The following DIP2A variants were observed in gnomAD, a reference collection of about 807,000 sequenced individuals.
The protein encoded by DIP2A is disco-interacting protein 2 homolog A.
In DIP2A, 85 loss-of-function variants were observed where a neutral mutation model predicts 177.4. The ratio of observed to expected loss-of-function variants is 0.48; its 90% confidence interval spans 0.40 to 0.57. The LOEUF is 0.57. Among genes scored for constraint, DIP2A ranks in the 20% least tolerant of loss-of-function variants. The probability of loss-of-function intolerance (pLI) is 0.00; values close to 1 mark genes in which losing one functional copy is unlikely to be tolerated. For missense variants in DIP2A, 1,791 were observed against 2,100.2 expected (o/e 0.85, Z 2.88); for synonymous variants, 886 against 881.8 (o/e 1.00, Z -0.08).
chr21:46,557,164 G>T lies in DIP2A; in HGVS notation c.3629+95G>T. The T allele has an allele frequency of 2.1e-6, 3 of 1,398,792 alleles. No individual in the cohort carries two copies. The highest frequency in any genetic ancestry group is 2.9e-6 in the Non-Finnish European group (3 of 1,046,386). 86.6% of individuals were successfully genotyped at this position (1,398,792 alleles called of 1,614,324 possible). On this transcript the variant is annotated intron_variant, in intron 30 of 37. Transcript: ENST00000417564. The surrounding 1 kb of genome is among the most constrained non-coding windows in gnomAD (Gnocchi z 6.0). ...TAAGGCACCTTTTCTGGGTGCTCAG[G>T]AAGCCGATGAGATGTGTGTGAGTGG...
At chr21:46,485,136 C>T (rs745699450) in intron 2 of DIP2A, among the ~76,000 whole-genome samples, 3 of 152,142 alleles carry the variant, frequency 2.0e-5, no homozygotes, top group African/African-American at 7.2e-5. Flanking sequence ...AACAACCTGG[C>T]ACAATTCTTA....
At chr21:46,464,630 A>G (rs2054631720) in intron 1 of DIP2A, among the ~76,000 whole-genome samples, 1 of 152,096 alleles carries the variant, frequency 6.6e-6, no homozygotes, top group Non-Finnish European at 1.5e-5. Flanking sequence ...GGAAGGTGAG[A>G]AGGCAAGAGA....
chr21:46,463,718 G>T (rs2054542144), intron 1 of DIP2A, among the ~76,000 whole-genome samples: 1 of 119,990 alleles, frequency 8.3e-6, no homozygotes, highest in South Asian at 2.7e-4. Flanking sequence ...GTGTGTGTGT[G>T]TATATTTTGA....
At chr21:46,459,498 C>G (rs2054093933) in intron 1 of DIP2A, among the ~76,000 whole-genome samples, 1 of 142,922 alleles carries the variant, frequency 7.0e-6, no homozygotes, top group Admixed American at 6.9e-5. Context: ...GCCCCGAGAC[C>G]CCGGCCCCTT....
chr21:46,551,926 G>T, intron 25 of DIP2A, 22 bp downstream of exon 25: 1 of 1,579,188 alleles, frequency 6.3e-7, no homozygotes, highest in Non-Finnish European at 8.6e-7. Flanking sequence ...TCACGCCCAC[G>T]GGGCTTGGAA....
chr21:46,549,659 G>T, intron 21 of DIP2A, 112 bp from the exon 22 acceptor site: 1 of 1,525,674 alleles, frequency 6.6e-7, no homozygotes, highest in South Asian at 1.3e-5. Context: ...CCATTTGATA[G>T]ACTGCATTTT....
rs1220886951 is a variant in DIP2A at position 46,549,884 on chromosome 21, A to C, written c.2636A>C (p.Gln879Pro). The C allele has an allele frequency of 1.2e-6, 2 of 1,610,450 alleles. No individual in the cohort carries two copies. Among genetic ancestry groups the C allele is most frequent in the Non-Finnish European group, 1.7e-6 (2 of 1,179,890 alleles). The change falls in exon 22 of 38, where the codon CAG becomes CCG. Residue 879 changes from glutamine to proline, a missense_variant and splice_region_variant. Gln to Pro is a moderately conservative substitution (Grantham distance 76). Coordinates refer to ENST00000417564, the MANE Select transcript of DIP2A (RefSeq NM_015151.4). ...TTCCAGTGGATGAGCCGTGTGCTGC[A>C]GGTGGGCGCCCCGGCACGGCCTATG... is the stretch of plus-strand genomic sequence containing the variant. ...DSFQWMSRVL[Q>P]AIDSIHQVGV...
At chr21:46,506,802 C>T (rs1240056455) in intron 6 of DIP2A, among the ~76,000 whole-genome samples, 7 of 71,516 alleles carry the variant, frequency 9.8e-5, no homozygotes, top group Middle Eastern at 6.4e-3. Context: ...TTTCTTTCTT[C>T]TCTTTTTTTT....
chr21:46,540,224 G>A (rs1157594491), intron 17 of DIP2A, among the ~76,000 whole-genome samples: 1 of 152,120 alleles, frequency 6.6e-6, no homozygotes, highest in Non-Finnish European at 1.5e-5. Flanking sequence ...ATTTTCCTGA[G>A]TGCTTCCCAA....
At chr21:46,521,344 A>G (rs1461719310) in intron 8 of DIP2A, among the ~76,000 whole-genome samples, 1 of 152,182 alleles carries the variant, frequency 6.6e-6, no homozygotes, top group Non-Finnish European at 1.5e-5. Flanking sequence ...GTGCACCACC[A>G]TGCCTGGCTA....
chr21:46,518,862 G>A (rs1260292203), intron 8 of DIP2A, among the ~76,000 whole-genome samples: 1 of 152,168 alleles, frequency 6.6e-6, no homozygotes, highest in Non-Finnish European at 1.5e-5. Flanking sequence ...GTCTCAAGAA[G>A]TATATGTAAA....
At chr21:46,565,445 C>T (rs536148196) in intron 35 of DIP2A, among the ~76,000 whole-genome samples, 11 of 152,338 alleles carry the variant, frequency 7.2e-5, no homozygotes, top group African/African-American at 2.6e-4. Context: ...GGAATTGCCC[C>T]TCTCGACTTA....
At chr21:46,583,359 C>A in the DIP2A span, among the ~76,000 whole-genome samples, 12,427 of 152,112 alleles carry the variant, frequency 0.082, 585 homozygotes, top group African/African-American at 0.11. Context: ...ACAACTAGAC[C>A]TAACAAACAT....
chr21:46,528,993 G>T (rs989759248), intron 8 of DIP2A, 99 bp from the exon 9 acceptor site: 1 of 640,844 alleles, frequency 1.6e-6, no homozygotes, highest in African/African-American at 1.9e-5. Context: ...TCCACTAATG[G>T]GGTAATGGTA....
At chr21:46,552,204 T>C (rs1045005067) in intron 25 of DIP2A, among the ~76,000 whole-genome samples, 3 of 152,184 alleles carry the variant, frequency 2.0e-5, no homozygotes, top group African/African-American at 7.2e-5. Flanking sequence ...TCAGCTCAAG[T>C]TTTTAAAATT....
rs540024365 is a variant in DIP2A at position 46,498,976 on chromosome 21, G to A, written c.655+143G>A. On this transcript the variant is annotated intron_variant, in intron 5 of 37. Transcript: ENST00000417564. This position sits in a 1 kb window ranked among gnomAD's most constrained non-coding sequence, Gnocchi z 4.3. ...CCTGAGTGCTCTCCAAGTGACTGAG[G>A]TCACACAACCCAGATAACCCATACT... 15 of 1,130,570 alleles carry A rather than the reference G, an allele frequency of 1.3e-5. No individual in the cohort carries two copies. The highest frequency in any genetic ancestry group is 1.8e-5 in the Non-Finnish European group (15 of 825,614). The allele number at this position is 1,130,570 out of a possible 1,614,324, so 70.0% of individuals were successfully genotyped here. A position where few individuals can be genotyped will look rare whatever the true frequency, so the allele number is the denominator to read the frequency against.
chr21:46,562,016 CA>C (rs2060682243), intron 34 of DIP2A: 3 of 816,244 alleles, frequency 3.7e-6, no homozygotes, highest in Non-Finnish European at 4.4e-6. Context: ...CATCTGAGCT[CA>C]AAGCCAAGAA....
At position 46,459,234 on chromosome 21, in the gene DIP2A, C is replaced by T. The variant is rs763991675; in HGVS notation, c.91+12C>T. 6.6e-7 allele frequency: 1 copy of T among 1,520,036 alleles called. No homozygotes were observed. The allele number at this position is 1,520,036 out of a possible 1,614,324, so 94.2% of individuals were successfully genotyped here. On this transcript the variant is annotated intron_variant, in intron 1 of 37. Transcript: ENST00000417564. ...GGAGCTGTCGGAAGGTGAGCCGGAC[C>T]CCGCCCTCAACCCCCGCGACCCGCC... is the stretch of plus-strand genomic sequence containing the variant.
In DIP2A at chr21:46,554,907, G is replaced by A. The variant is rs1250967557; in HGVS notation, c.3362G>A (p.Arg1121Lys). 1 of 1,552,336 alleles carries A rather than the reference G, an allele frequency of 6.4e-7. No individual in the cohort carries two copies. Among genetic ancestry groups the A allele is most frequent in the Non-Finnish European group, 8.7e-7 (1 of 1,148,152 alleles). Residue 1121 changes from arginine (R) to lysine (K), a missense_variant, in exon 28 of 38, where the codon AGG (arginine) becomes AAG (lysine). Transcript: ENST00000417564. Reference sequence around the variant, plus strand: ...GAGGCTGCTGCTGCCGTGGACATCAGGACCTGGCCCACCATCCTAGACACA... The same window carrying A: ...GAGGCTGCTGCTGCCGTGGACATCAAGACCTGGCCCACCATCCTAGACACA... Reference protein sequence around the residue: ...SKEAAAAVDIRTWPTILDTDD... With the variant: ...SKEAAAAVDIKTWPTILDTDD...
Sources: allele counts gnomAD v4.1 joint callset (sites outside exome capture counted in the v4.1 genomes callset), GRCh38; gene constraint gnomAD v4.1.1; non-coding constraint Gnocchi (gnomAD v3.1); transcripts MANE v1.5; gene names NCBI Gene and HGNC (gene_info 2026-07-23, HGNC 2026-07-21).